ZNF486: variants seen among roughly 807,000 people sequenced by gnomAD.
ZNF486 encodes the protein zinc finger protein 486, also known as KRAB box only protein 2.
Under a neutral mutation model 12.8 loss-of-function variants are expected in ZNF486, and 12 were observed. That is an observed-to-expected ratio of 0.94 (90% confidence interval 0.60 to 1.52). The LOEUF (loss-of-function observed/expected upper bound fraction) is 1.52. Ranked by LOEUF, ZNF486 falls within the 40% of genes most tolerant of loss-of-function variation. The probability of loss-of-function intolerance (pLI) is 0.00; values close to 1 mark genes in which losing one functional copy is unlikely to be tolerated. For missense variants in ZNF486, 738 were observed against 545.0 expected, an observed-to-expected ratio of 1.35 and a Z score of -3.53; for synonymous variants, 231 against 184.9, an observed-to-expected ratio of 1.25 and a Z score of -2.02.
At chr19:20,181,273 C>T (rs1555715509) in intron 1 of ZNF486, among the ~76,000 whole-genome samples, 1 of 151,824 alleles carries the variant, frequency 6.6e-6, no homozygotes, top group African/African-American at 2.4e-5. Flanking sequence ...GGCGCGGTGG[C>T]TCACGCCTGT....
chr19:20,174,302 ATTAC>A (rs2089681349), intron 1 of ZNF486, among the ~76,000 whole-genome samples: 1 of 152,174 alleles, frequency 6.6e-6, no homozygotes, highest in Non-Finnish European at 1.5e-5. Flanking sequence ...CTTTCTATTT[ATTAC>A]TTCAGAATAA....
chr19:20,182,572 A>T (rs782811526), intron 1 of ZNF486, among the ~76,000 whole-genome samples: 9 of 152,236 alleles, frequency 5.9e-5, no homozygotes, highest in Non-Finnish European at 1.2e-4. Flanking sequence ...AAGGGTGGTC[A>T]CAGGGCCTGT....
chr19:20,194,541 A>G (rs2089938829), intron 3 of ZNF486, among the ~76,000 whole-genome samples: 1 of 152,188 alleles, frequency 6.6e-6, no homozygotes, highest in Non-Finnish European at 1.5e-5. Flanking sequence ...AGCCAGGCTA[A>G]CATGGTGAAA....
At chr19:20,182,227 AG>A (rs2089795248) in intron 1 of ZNF486, among the ~76,000 whole-genome samples, 2 of 152,316 alleles carry the variant, frequency 1.3e-5, no homozygotes, top group South Asian at 2.1e-4. Flanking sequence ...CAGCATTGAC[AG>A]GGGACTTGTT....
At chr19:20,177,467 G>T (rs1568318953) in intron 1 of ZNF486, among the ~76,000 whole-genome samples, 1 of 152,226 alleles carries the variant, frequency 6.6e-6, no homozygotes, top group African/African-American at 2.4e-5. Context: ...ATGACATGGT[G>T]CTTTAAATTC....
chr19:20,196,880 T>C, intron 3 of ZNF486, 84 bp from the exon 4 acceptor site: 1 of 1,443,162 alleles, frequency 6.9e-7, no homozygotes, highest in Non-Finnish European at 9.2e-7. Context: ...TTATGTAGTT[T>C]GTATAATTTT....
chr19:20,196,368 G>A (rs901202563), intron 3 of ZNF486, among the ~76,000 whole-genome samples: 26 of 151,986 alleles, frequency 1.7e-4, no homozygotes, highest in Admixed American at 5.9e-4. Context: ...TTGCTCTGTC[G>A]CCCAGGCCGG....
intron 1 of ZNF486, among the ~76,000 whole-genome samples, chr19:20,178,822 A>G (rs1223764652): frequency 8.5e-5 from 13 of 152,214 alleles, no homozygotes; most frequent in African/African-American, 2.4e-4. Context: ...ATCTCTTTCA[A>G]TGACTCCTGT....
At chr19:20,176,282 G>T in intron 1 of ZNF486, 1 of 188,466 alleles carries the variant, frequency 5.3e-6, no homozygotes, top group South Asian at 8.3e-5. Flanking sequence ...GCTGGGAAGA[G>T]GTGCTCGTCA....
At chr19:20,185,293 T>C (rs1056305939) in intron 2 of ZNF486, among the ~76,000 whole-genome samples, 3 of 152,054 alleles carry the variant, frequency 2.0e-5, no homozygotes, top group Non-Finnish European at 4.4e-5. Flanking sequence ...CTCTATTTTA[T>C]CAGATAGTTT....
rs2089967179 is a variant in ZNF486 at position 20,197,190 on chromosome 19, GAA to G, written c.482_483del (p.Lys161SerfsTer12). ...AAATATTTCAATGTGGTAAATATGTGAAAGTCTTTCATCAATTTTCAAATTCA... is the reference window on the plus strand; with the variant it reads ...AAATATTTCAATGTGGTAAATATGTGAGTCTTTCATCAATTTTCAAATTCA... Reference protein sequence around the residue: ...SKIFQCGKYVKVFHQFSNSKR... With the variant: ...SKIFQCGKYVXVFHQFSNSKR... On this transcript the variant is annotated frameshift_variant, in exon 4 of 4. Coordinates refer to ENST00000335117, the MANE Select transcript of ZNF486 (RefSeq NM_052852.4). LOFTEE classifies it low-confidence loss of function (END_TRUNC). The G allele has an allele frequency of 2.5e-6, 4 of 1,613,156 alleles. No individual in the cohort carries two copies. Among genetic ancestry groups the G allele is most frequent in the Non-Finnish European group, 3.4e-6 (4 of 1,179,828 alleles).
At chr19:20,183,673 A>G (rs1221202309) in intron 1 of ZNF486, among the ~76,000 whole-genome samples, 2 of 144,740 alleles carry the variant, frequency 1.4e-5, no homozygotes, top group Admixed American at 6.8e-5. Context: ...TTTTTTCACT[A>G]TAGAGATAAT....
rs186126792 is a variant in ZNF486, at chr19:20,197,951, C to T, written c.1241C>T (p.Ala414Val). The T allele has an allele frequency of 5.0e-5, 81 of 1,613,748 alleles. No individual in the cohort carries two copies. The highest frequency in any genetic ancestry group is 1.7e-4 in the Middle Eastern group (1 of 6,060). Reference protein sequence around the residue: ...KPYKCEECGKAYTTSSNLTEH... With the variant: ...KPYKCEECGKVYTTSSNLTEH... ...TACAAATGTGAAGAATGTGGCAAAG[C>T]GTATACTACATCCTCAAATCTAACT... Residue 414 changes from alanine (A) to valine (V), a missense_variant, in exon 4 of 4, where the codon GCG becomes GTG. By Grantham distance (64) the Ala-to-Val change is moderately conservative (BLOSUM62 0). Transcript: ENST00000335117.
chr19:20,167,397 G>A, intron 1 of ZNF486, 37 bp downstream of exon 1: 1 of 1,607,586 alleles, frequency 6.2e-7, no homozygotes, highest in South Asian at 1.1e-5. Flanking sequence ...GAGAGGGGAG[G>A]GACTGGTTGA....
At chr19:20,170,154 C>T (rs996080011) in intron 1 of ZNF486, among the ~76,000 whole-genome samples, 7 of 151,932 alleles carry the variant, frequency 4.6e-5, no homozygotes, top group Admixed American at 3.3e-4. Context: ...GCCTCGGCCT[C>T]CCGAAGTGCT....
intron 1 of ZNF486, among the ~76,000 whole-genome samples, chr19:20,180,722 A>G (rs1409053972): frequency 5.3e-5 from 8 of 152,078 alleles, no homozygotes; most frequent in Admixed American, 3.3e-4. Flanking sequence ...TGCTGGCCCC[A>G]GCCACTGTGG....
At chr19:20,172,311 C>A (rs985984651) in intron 1 of ZNF486, among the ~76,000 whole-genome samples, 1 of 148,248 alleles carries the variant, frequency 6.7e-6, no homozygotes, top group Non-Finnish European at 1.5e-5. Flanking sequence ...CTTTTGCCTA[C>A]TTTTTTTTTT....
intron 1 of ZNF486, chr19:20,176,175 CAT>C (rs1381953933): frequency 7.6e-5 from 12 of 158,108 alleles, no homozygotes; most frequent in African/African-American, 2.8e-4. Context: ...AGGCGCTCCT[CAT>C]ATCCCAGACG....
intron 1 of ZNF486, 115 bp downstream of exon 1, chr19:20,167,475 C>T: frequency 1.6e-6 from 2 of 1,250,074 alleles, no homozygotes; most frequent in Non-Finnish European, 2.3e-6. Flanking sequence ...CCGGACTTCT[C>T]CTTACCCAGC....
Sources: gnomAD v4.1 joint callset for allele counts (sites outside exome capture counted in the v4.1 genomes callset) on GRCh38, gnomAD v4.1.1 for gene constraint, MANE v1.5 for transcripts, NCBI Gene and HGNC (gene_info 2026-07-23, HGNC 2026-07-21) for gene names.